Variants in ZFP90 observed in about 807,000 individuals in gnomAD.
The protein encoded by ZFP90 is zinc finger protein 90 homolog.
Under a neutral mutation model 60.8 loss-of-function variants are expected in ZFP90, and 38 were observed. The ratio of observed to expected loss-of-function variants is 0.62; its 90% CI spans 0.48 to 0.82. The LOEUF is 0.82. ZFP90 is among the 40% of genes least tolerant of loss of function. The pLI is 0.00. For missense variants in ZFP90, 711 were observed against 759.1 expected (o/e 0.94, Z 0.74); for synonymous variants, 287 against 264.8 (o/e 1.08, Z -0.82).
chr16:68,534,255 G>A (rs576060962), intron 2 of ZFP90, among the ~76,000 whole-genome samples: 221 of 130,616 alleles, frequency 1.7e-3, no homozygotes, highest in African/African-American at 6.1e-3. Flanking sequence ...TTGAGACAGC[G>A]TCTCACTGTG....
At chr16:68,548,699 A>G (rs1389236660) in intron 2 of ZFP90, among the ~76,000 whole-genome samples, 1 of 152,052 alleles carries the variant, frequency 6.6e-6, no homozygotes, top group African/African-American at 2.4e-5. Context: ...CATGTTGGTC[A>G]GGCTGGTCTC....
intron 4 of ZFP90, 151 bp from the exon 5 acceptor site, chr16:68,562,893 C>T (rs562646241): frequency 6.6e-7 from 1 of 1,517,300 alleles, no homozygotes; most frequent in South Asian, 1.2e-5. Context: ...CTTCACTTTT[C>T]CTTTTCTCCA....
In ZFP90 at chr16:68,566,982, G is replaced by T; in HGVS notation, c.*2284G>T. On this transcript the variant is annotated 3_prime_UTR_variant, in exon 5 of 5. Transcript: ENST00000563169. ...TCTTCATTGACAGGGAGGGAGCCCA[G>T]GACATATGTGTGGCTCATTGACCAG... is the stretch of plus-strand genomic sequence containing the variant. The T allele has an allele frequency of 1.0e-6, 1 of 985,650 alleles. No individual in the cohort carries two copies. The highest frequency in any genetic ancestry group is 1.2e-6 in the Non-Finnish European group (1 of 829,992). 61.1% of individuals were successfully genotyped at this position (985,650 alleles called of 1,614,324 possible).
rs1260500074 is a variant in ZFP90, at chr16:68,564,268, A to G, written c.1481A>G (p.Glu494Gly). 1 of 1,614,016 alleles carries G rather than the reference A, an allele frequency of 6.2e-7. No homozygotes were observed. Among genetic ancestry groups the G allele is most frequent in the Non-Finnish European group, 8.5e-7 (1 of 1,180,020 alleles). The change falls in exon 5 of 5, where the codon GAG (glutamate) becomes GGG (glycine). Residue 494 changes from glutamate (E) to glycine (G), a missense_variant. Physicochemically the swap from Glu to Gly is moderately conservative, Grantham distance 98. Around this residue, in one of 5 missense-constraint regions of ZFP90, gnomAD observed 295 missense variants for 274.0 expected, o/e 1.08. Coordinates refer to ENST00000563169, the MANE Select transcript of ZFP90 (RefSeq NM_001305203.2). Reference sequence around the variant, plus strand: ...CAGCAAGCTATTTCTCATCCTGGAGAGAAACCCTATCAATGTAATGTATGT... The same window carrying G: ...CAGCAAGCTATTTCTCATCCTGGAGGGAAACCCTATCAATGTAATGTATGT... ...FSQQAISHPG[E>G]KPYQCNVCGK...
chr16:68,537,461 G>C (rs184507637), upstream of ZFP90, among the ~76,000 whole-genome samples: 1 of 152,124 alleles, frequency 6.6e-6, no homozygotes, highest in African/African-American at 2.4e-5. Flanking sequence ...TAAGTCACTT[G>C]CCTCAGAGAG....
At chr16:68,559,315 T>C (rs2091397519) in intron 4 of ZFP90, among the ~76,000 whole-genome samples, 1 of 152,172 alleles carries the variant, frequency 6.6e-6, no homozygotes, top group Admixed American at 6.6e-5. Flanking sequence ...ATAGTTCATA[T>C]TAAATACATA....
intron 2 of ZFP90, among the ~76,000 whole-genome samples, chr16:68,553,063 G>T (rs190809663): frequency 1.3e-5 from 2 of 151,992 alleles, no homozygotes; most frequent in African/African-American, 2.4e-5. Flanking sequence ...AAAGAAAAAT[G>T]TATTAAATAT....
downstream of ZFP90, among the ~76,000 whole-genome samples, chr16:68,570,556 C>T (rs2152078394): frequency 6.6e-6 from 1 of 152,338 alleles, no homozygotes; most frequent in Middle Eastern, 3.4e-3. Context: ...GTGGTAACTT[C>T]TTGGCCATTG....
intron 2 of ZFP90, among the ~76,000 whole-genome samples, chr16:68,554,191 G>A (rs973286401): frequency 1.7e-4 from 26 of 151,036 alleles, no homozygotes; most frequent in African/African-American, 5.6e-4. Context: ...GTGGTGTCTC[G>A]GCTCATTGCA....
At position 68,533,973 on chromosome 16, in the gene ZFP90, C is replaced by T. The variant is rs1458645519; in HGVS notation, c.-36+118C>T. 2.6e-5 allele frequency: 4 copies of T among 152,154 alleles called. No homozygotes were observed. In the East Asian group the frequency reaches 7.7e-4, roughly 29 times the overall value. 9.4% of individuals were successfully genotyped at this position (152,154 alleles called of 1,614,324 possible). On this transcript the variant is annotated intron_variant, in intron 2 of 3. Transcript: ENST00000569109. ...CATCTGGCTTGGAGTGGCAGGATTC[C>T]AGAATCTTTATATCTTTAATCAGTT...
intron 2 of ZFP90, among the ~76,000 whole-genome samples, chr16:68,557,779 C>T (rs1268524026): frequency 1.3e-5 from 2 of 149,508 alleles, no homozygotes; most frequent in Admixed American, 1.3e-4. Flanking sequence ...GGTAGCAATA[C>T]AGGTCTGCAG....
In ZFP90 at chr16:68,558,536, CAG is replaced by C. The variant is rs779910784; in HGVS notation, c.227_228del (p.Glu76GlyfsTer16). Reference sequence around the variant, plus strand: ...GAGCAAGGAGAAGAGCCATGGATATCAGAGGGAGAAATCCAACGACCTTTCTA... The same window carrying C: ...GAGCAAGGAGAAGAGCCATGGATATCAGGGAGAAATCCAACGACCTTTCTA... On this transcript the variant is annotated frameshift_variant, in exon 4 of 5. Transcript: ENST00000563169. LOFTEE classifies it high-confidence loss of function. 4 of 1,613,964 alleles carry C rather than the reference CAG, an allele frequency of 2.5e-6. No individual in the cohort carries two copies. The highest frequency in any genetic ancestry group is 3.4e-6 in the Non-Finnish European group (4 of 1,179,972).
chr16:68,564,682 C>A lies in ZFP90; in HGVS notation c.1895C>A (p.Thr632Asn). The change falls in exon 5 of 5, where the codon ACT becomes AAT. Residue 632 changes from threonine (T) to asparagine (N), a missense_variant. Transcript: ENST00000563169. ...SALTKHQRIH[T>N]RNKL ...CTTACTAAACACCAGAGAATTCATA[C>A]TCGAAATAAACTCTAGGAACCGTGA... 6.2e-7 allele frequency: 1 copy of A among 1,607,598 alleles called. No individual in the cohort carries two copies. Among genetic ancestry groups the A allele is most frequent in the Non-Finnish European group, 8.5e-7 (1 of 1,178,064 alleles).
chr16:68,556,082 A>C (rs1477395040), intron 2 of ZFP90, among the ~76,000 whole-genome samples: 6 of 152,108 alleles, frequency 3.9e-5, no homozygotes, highest in Non-Finnish European at 8.8e-5. Context: ...AGGTGGGAGG[A>C]TTACTTGAGC....
upstream of ZFP90, among the ~76,000 whole-genome samples, chr16:68,535,074 G>A (rs1184205199): frequency 3.9e-5 from 6 of 152,202 alleles, no homozygotes; most frequent in African/African-American, 1.4e-4. Context: ...ATTCATGGCT[G>A]TGAGCTCATA....
chr16:68,549,972 A>G (rs956737099), intron 2 of ZFP90, among the ~76,000 whole-genome samples: 10 of 152,336 alleles, frequency 6.6e-5, no homozygotes, highest in Non-Finnish European at 1.3e-4. Flanking sequence ...AGCTTTGGGT[A>G]TATGACAGGA....
chr16:68,542,732 G>C (rs1487176230), intron 2 of ZFP90, among the ~76,000 whole-genome samples: 1 of 152,182 alleles, frequency 6.6e-6, no homozygotes, highest in Non-Finnish European at 1.5e-5. Context: ...GCTGGCAGTG[G>C]GTAGAGGAGA....
chr16:68,568,275 G>T (rs979462541), downstream of ZFP90, among the ~76,000 whole-genome samples: 1 of 152,216 alleles, frequency 6.6e-6, no homozygotes, highest in African/African-American at 2.4e-5. Flanking sequence ...GAGCAATTGA[G>T]TGGAGATTGA....
chr16:68,574,926 C>CAAAAAAAAAAA (rs10658760), intron 2 of ZFP90, among the ~76,000 whole-genome samples: 1 of 103,612 alleles, frequency 9.7e-6, no homozygotes. Flanking sequence ...GACCCTGTCT[C>CAAAAAAAAAAA]AAAAAAAAAA....
Sources: gnomAD v4.1 joint callset for allele counts (sites outside exome capture counted in the v4.1 genomes callset) on GRCh38, gnomAD v4.1.1 for gene constraint, gnomAD v4.1.1 regional missense constraint, MANE v1.5 for transcripts, NCBI Gene and HGNC (gene_info 2026-07-23, HGNC 2026-07-21) for gene names.